The following FRY variants were observed in gnomAD, a reference collection of about 807,000 sequenced individuals.
FRY encodes protein furry homolog.
FRY carries 128 observed loss-of-function variants against 348.4 expected under a neutral mutation model. The ratio of observed to expected loss-of-function variants is 0.37; its 90% confidence interval spans 0.32 to 0.43. The LOEUF is 0.43. FRY is among the 20% of genes least tolerant of loss of function. The pLI is 1.00. For synonymous variants in FRY, 1,370 were observed against 1,374.7 expected, an observed-to-expected ratio of 1.00 and a Z score of 0.08; for missense variants, 2,736 against 3,695.2, an observed-to-expected ratio of 0.74 and a Z score of 6.73.
rs1887427704 is a variant in FRY at position 32,258,055 on chromosome 13, T to C, written c.7417-3561T>C. The C allele has an allele frequency of 6.7e-6, 7 of 1,050,236 alleles. No homozygotes were observed. In the South Asian group the frequency reaches 8.9e-5, roughly 13 times the overall value. 65.1% of individuals were successfully genotyped at this position (1,050,236 alleles called of 1,614,324 possible). The stretch of plus-strand genomic sequence containing the variant: ...ATTTATAACAACATAATTGCTTTTT[T>C]CCTCCCTTCCAGAATATATATGCTT... On this transcript the variant is annotated intron_variant, in intron 51 of 60. Coordinates refer to ENST00000542859, the MANE Select transcript of FRY (RefSeq NM_023037.3).
intron 4 of FRY, among the ~76,000 whole-genome samples, 196 bp from the exon 5 acceptor site, chr13:32,124,090 G>A (rs1255434482): frequency 5.9e-5 from 9 of 151,956 alleles, no homozygotes; most frequent in South Asian, 2.1e-4. Flanking sequence ...TGCCCGCCTC[G>A]GCCTCCCAAA....
chr13:32,112,678 T>C (rs1015492432), intron 3 of FRY, among the ~76,000 whole-genome samples: 3 of 152,252 alleles, frequency 2.0e-5, no homozygotes, highest in Admixed American at 6.5e-5. Context: ...TTCTTCCAGA[T>C]GTTATGTCTT....
chr13:32,281,506 A>G (rs957757495), intron 58 of FRY, among the ~76,000 whole-genome samples: 2 of 152,238 alleles, frequency 1.3e-5, no homozygotes, highest in African/African-American at 4.8e-5. Flanking sequence ...TGAGAGTGGG[A>G]TTTACTAGGA....
In FRY at chr13:32,186,489, G is replaced by T. The variant is rs575655649; in HGVS notation, c.3480+69G>T. On this transcript the variant is annotated intron_variant, in intron 27 of 60. Coordinates refer to ENST00000542859, the MANE Select transcript of FRY (RefSeq NM_023037.3). ...TCTCTCTCGTTAAACTAATAACCAT[G>T]CCTTAAAAATAAGCTTAAAATAAAT... is the stretch of plus-strand genomic sequence containing the variant. 8 of 998,720 alleles carry T rather than the reference G, an allele frequency of 8.0e-6. No individual in the cohort carries two copies. The South Asian group carries it at 8.9e-5, about 11-fold the overall frequency. 61.9% of individuals were successfully genotyped at this position (998,720 alleles called of 1,614,324 possible). A position where few individuals can be genotyped will look rare whatever the true frequency, so the allele number is the denominator to read the frequency against.
intron 43 of FRY, among the ~76,000 whole-genome samples, chr13:32,236,845 A>G (rs929270522): frequency 2.0e-5 from 3 of 152,192 alleles, no homozygotes; most frequent in Admixed American, 6.5e-5. Flanking sequence ...CTATATTAAC[A>G]TAAAGATTTA....
chr13:32,046,217 A>C (rs984429548), intron 1 of FRY, among the ~76,000 whole-genome samples: 2 of 152,166 alleles, frequency 1.3e-5, no homozygotes, highest in African/African-American at 4.8e-5. Context: ...TGTTCCTAGG[A>C]CATCCCTCTC....
intron 28 of FRY, among the ~76,000 whole-genome samples, chr13:32,190,188 G>A (rs990186954): frequency 6.6e-6 from 1 of 151,160 alleles, no homozygotes; most frequent in East Asian, 1.9e-4. Flanking sequence ...AACACCCTAT[G>A]AGCACCATAT....
chr13:32,062,872 C>CAT (rs1454967163), intron 1 of FRY, among the ~76,000 whole-genome samples: 7 of 151,778 alleles, frequency 4.6e-5, no homozygotes, highest in African/African-American at 1.7e-4. Flanking sequence ...TTTATAATGG[C>CAT]ATATATATAC....
intron 56 of FRY, 168 bp downstream of exon 56, chr13:32,275,159 A>G (rs963859897): frequency 1.9e-5 from 12 of 618,012 alleles, no homozygotes; most frequent in Admixed American, 2.1e-5. Flanking sequence ...TGGGCGGATC[A>G]CAAGGTCAGG....
rs191015204 is a variant in FRY at position 32,095,692 on chromosome 13, C to T, written c.271-6271C>T. 2.2e-3 allele frequency among the ~76,000 whole-genome samples: 334 copies of T among 152,234 alleles called. 2 individuals are homozygous for T. The highest frequency in any genetic ancestry group is 7.8e-3 in the African/African-American group (326 of 41,540). On this transcript the variant is annotated intron_variant, in intron 2 of 60. Transcript: ENST00000542859. ...ATGTGATCCCATTTGTTAATTTTTG[C>T]TTGGGTTGCCTGTGCTTGTGGGGTA...
chr13:32,119,316 T>G (rs191958107), intron 4 of FRY, among the ~76,000 whole-genome samples: 1 of 152,256 alleles, frequency 6.6e-6, no homozygotes, highest in Admixed American at 6.5e-5. Context: ...GGATGCACAT[T>G]GGGTTGTGAT....
chr13:32,129,519 T>C (rs1879221397), intron 7 of FRY, among the ~76,000 whole-genome samples: 1 of 152,256 alleles, frequency 6.6e-6, no homozygotes, highest in African/African-American at 2.4e-5. Flanking sequence ...TCTACCATAT[T>C]CTAATAGTAT....
intron 28 of FRY, among the ~76,000 whole-genome samples, chr13:32,193,265 A>G (rs1339275036): frequency 6.6e-6 from 1 of 151,802 alleles, no homozygotes; most frequent in Non-Finnish European, 1.5e-5. Context: ...ATAGGCCACT[A>G]AGCTTCACAA....
chr13:32,173,238 G>C (rs1243971598), intron 18 of FRY, 129 bp from the exon 19 acceptor site: 2 of 685,958 alleles, frequency 2.9e-6, no homozygotes, highest in African/African-American at 3.6e-5. Flanking sequence ...GACATGTCTG[G>C]TTCTAAACCA....
At chr13:32,201,800 C>T in intron 29 of FRY, 141 bp from the exon 30 acceptor site, 2 of 653,970 alleles carry the variant, frequency 3.1e-6, no homozygotes, top group Non-Finnish European at 5.5e-6. Flanking sequence ...AAGAAGGAAG[C>T]AAAAAATGGC....
At chr13:32,212,480 C>A in intron 35 of FRY, 98 bp downstream of exon 35, 1 of 756,132 alleles carries the variant, frequency 1.3e-6, no homozygotes, top group Non-Finnish European at 2.3e-6. Context: ...AAATTTTACA[C>A]GTACATAAAA....
intron 28 of FRY, among the ~76,000 whole-genome samples, chr13:32,190,560 T>C (rs798958): frequency 0.36 from 55,350 of 151,990 alleles, 10,363 homozygotes; most frequent in Admixed American, 0.4. Context: ...CCACTTATAA[T>C]GGCATTTTAA....
intron 18 of FRY, 115 bp downstream of exon 18, chr13:32,171,385 C>A: frequency 7.3e-6 from 6 of 824,356 alleles, no homozygotes; most frequent in Non-Finnish European, 9.3e-6. Flanking sequence ...GATCTTGACT[C>A]ACTGCAACCT....
intron 23 of FRY, among the ~76,000 whole-genome samples, chr13:32,182,418 G>A (rs2138253144): frequency 6.6e-6 from 1 of 152,218 alleles, no homozygotes; most frequent in East Asian, 1.9e-4. Context: ...TGGAAATAAA[G>A]GAATTTAGTT....
Sources: allele counts gnomAD v4.1 joint callset (sites outside exome capture counted in the v4.1 genomes callset), GRCh38; gene constraint gnomAD v4.1.1; transcripts MANE v1.5; gene names NCBI Gene and HGNC (gene_info 2026-07-23, HGNC 2026-07-21).